Variants in SPAST observed in about 807,000 individuals in gnomAD.
The protein encoded by SPAST is spastin, also known as spastic paraplegia 4 (autosomal dominant; spastin).
A neutral mutation model predicts 76.6 loss-of-function variants in SPAST; 30 were observed. The observed-to-expected ratio is 0.39, with a 90% CI of 0.29 to 0.53. The LOEUF is 0.53. SPAST is among the 20% of genes least tolerant of loss of function. The probability of loss-of-function intolerance (pLI) is 0.68; values close to 1 mark genes in which losing one functional copy is unlikely to be tolerated. For synonymous variants in SPAST, 305 were observed against 281.0 expected, an observed-to-expected ratio of 1.09 and a Z score of -0.86; for missense variants, 717 against 770.5, an observed-to-expected ratio of 0.93 and a Z score of 0.82.
intron 1 of SPAST, among the ~76,000 whole-genome samples, chr2:32,078,511 G>A (rs1573052190): frequency 6.6e-6 from 1 of 152,128 alleles, no homozygotes; most frequent in Non-Finnish European, 1.5e-5. Context: ...TTAGCCCAGT[G>A]TAGTGGTGCA....
chr2:32,137,851 C>G (rs888776308), intron 12 of SPAST, among the ~76,000 whole-genome samples: 3 of 152,076 alleles, frequency 2.0e-5, no homozygotes, highest in Non-Finnish European at 4.4e-5. Context: ...TGTATTGTTC[C>G]CATGTTTATG....
Position 32,098,888 on chromosome 2 carries a change from T to G in SPAST, c.679T>G (p.Ser227Ala), listed in dbSNP as rs762126088. The change falls in exon 4 of 17, where the codon TCA becomes GCA. Residue 227 changes from serine (S) to alanine (A), a missense_variant. Ser to Ala is a moderately conservative substitution (Grantham distance 99). Coordinates refer to ENST00000315285, the MANE Select transcript of SPAST (RefSeq NM_014946.4). ...NLACRNGHLQ[S>A]ESGAVPKRKD... is the part of the protein sequence containing the mutation. ...GGCATGCCGCAATGGACATCTCCAG[T>G]CAGGTGGGTTTAGGTTAACTAACAT... 1.4e-5 allele frequency: 23 copies of G among 1,607,932 alleles called. No individual in the cohort carries two copies. The highest frequency in any genetic ancestry group is 2.0e-5 in the Non-Finnish European group (23 of 1,174,428).
At chr2:32,083,776 A>ATATATATATATATATAT (rs1553398791) in intron 1 of SPAST, among the ~76,000 whole-genome samples, 1 of 46,088 alleles carries the variant, frequency 2.2e-5, no homozygotes, top group Non-Finnish European at 3.7e-5. Flanking sequence ...ATATATATAT[A>ATATATATATATATATAT]TTTTTTTTTT....
intron 15 of SPAST, among the ~76,000 whole-genome samples, chr2:32,146,851 CAAAAAAAAAAAAAAAAAA>C (rs397984237): frequency 0.017 from 318 of 19,250 alleles, 7 homozygotes; most frequent in African/African-American, 0.044. Flanking sequence ...GACTCTGTCT[CAAAAAAAAAAAAAAAAAA>C]AAAAAAAAAA....
chr2:32,145,184 C>G (rs905764555), intron 15 of SPAST, among the ~76,000 whole-genome samples, 177 bp downstream of exon 15: 16 of 152,074 alleles, frequency 1.1e-4, no homozygotes, highest in South Asian at 2.1e-4. Context: ...CTCGAACCCC[C>G]CAGGCTCAGG....
At chr2:32,073,886 C>G (rs1357579069) in intron 1 of SPAST, among the ~76,000 whole-genome samples, 5 of 152,278 alleles carry the variant, frequency 3.3e-5, no homozygotes, top group East Asian at 3.9e-4. Flanking sequence ...TGTAGACTTG[C>G]TGTACTTACT....
chr2:32,120,823 T>G (rs1263129380), intron 7 of SPAST, among the ~76,000 whole-genome samples: 1 of 152,194 alleles, frequency 6.6e-6, no homozygotes, highest in Non-Finnish European at 1.5e-5. Flanking sequence ...GAGAAAAGGT[T>G]GTGTGAGGGA....
intron 11 of SPAST, 24 bp downstream of exon 11, chr2:32,136,992 T>A: frequency 6.4e-7 from 1 of 1,574,392 alleles, no homozygotes; most frequent in Non-Finnish European, 8.7e-7. Context: ...ATGATATTTT[T>A]AATGTGGCAG....
intron 3 of SPAST, among the ~76,000 whole-genome samples, chr2:32,091,276 T>G (rs1018076158): frequency 9.7e-5 from 14 of 145,066 alleles, no homozygotes; most frequent in Non-Finnish European, 2.0e-4. Context: ...TTATTATTAT[T>G]ATTATTATTA....
intron 3 of SPAST, among the ~76,000 whole-genome samples, chr2:32,090,173 A>G (rs1223677142): frequency 6.6e-6 from 1 of 152,218 alleles, no homozygotes; most frequent in African/African-American, 2.4e-5. Flanking sequence ...TGATGGGCCA[A>G]CCCAGCTCAC....
chr2:32,105,258 C>T (rs1417759509), intron 4 of SPAST, among the ~76,000 whole-genome samples: 1 of 152,160 alleles, frequency 6.6e-6, no homozygotes, highest in Non-Finnish European at 1.5e-5. Flanking sequence ...TACTGAAGCT[C>T]ATGCATGCAT....
chr2:32,120,689 C>T (rs956521365), intron 7 of SPAST, among the ~76,000 whole-genome samples: 1 of 151,242 alleles, frequency 6.6e-6, no homozygotes, highest in African/African-American at 2.4e-5. Context: ...TCTGTCTTCA[C>T]TACCATCATA....
At chr2:32,092,912 C>T (rs1487196283) in intron 3 of SPAST, among the ~76,000 whole-genome samples, 1 of 150,966 alleles carries the variant, frequency 6.6e-6, no homozygotes, top group Non-Finnish European at 1.5e-5. Context: ...GAGGCTGAGT[C>T]AGGAGGATGG....
At chr2:32,132,199 G>A (rs1177590757) in intron 9 of SPAST, among the ~76,000 whole-genome samples, 1 of 152,058 alleles carries the variant, frequency 6.6e-6, no homozygotes, top group African/African-American at 2.4e-5. Flanking sequence ...AGACCAGGCT[G>A]GGCAACATGG....
rs1390159899 is a variant in SPAST at position 32,142,003 on chromosome 2, T to C, written c.1536+57T>C. The C allele has an allele frequency of 2.2e-5, 28 of 1,277,994 alleles. No individual in the cohort carries two copies. In the Admixed American group the frequency reaches 4.8e-4, roughly 22 times the overall value. The allele number at this position is 1,277,994 out of a possible 1,614,324, so 79.2% of individuals were successfully genotyped here. A position where few individuals can be genotyped will look rare whatever the true frequency, so the allele number is the denominator to read the frequency against. ...TAGAGCAGAAACAAGAACTACCATC[T>C]TGACAATATTAAGTCTTCCAATCCA... is the stretch of plus-strand genomic sequence containing the variant. On this transcript the variant is annotated intron_variant, in intron 13 of 16. Transcript: ENST00000315285.
At position 32,156,824 on chromosome 2, in the gene SPAST, T is replaced by C. The variant is rs1345655070; in HGVS notation, c.*2328T>C. 3.9e-5 allele frequency: 6 copies of C among 152,172 alleles called. No individual in the cohort carries two copies. The highest frequency in any genetic ancestry group is 7.4e-5 in the Non-Finnish European group (5 of 68,000). 9.4% of individuals were successfully genotyped at this position (152,172 alleles called of 1,614,324 possible). Reference sequence around the variant, plus strand: ...TTTCAAATGTTAAAAGAGATAAAAGTCAGGTTAATACTATCTTAAACACTG... The same window carrying C: ...TTTCAAATGTTAAAAGAGATAAAAGCCAGGTTAATACTATCTTAAACACTG... On this transcript the variant is annotated 3_prime_UTR_variant, in exon 17 of 17. Coordinates refer to ENST00000315285, the MANE Select transcript of SPAST (RefSeq NM_014946.4).
At position 32,155,488 on chromosome 2, in the gene SPAST, C is replaced by T. The variant is rs1205287079; in HGVS notation, c.*992C>T. The T allele has an allele frequency of 6.6e-6, 1 of 152,408 alleles. No individual in the cohort carries two copies. The highest frequency in any genetic ancestry group is 2.1e-4 in the South Asian group (1 of 4,828). 9.4% of individuals were successfully genotyped at this position (152,408 alleles called of 1,614,324 possible). On this transcript the variant is annotated 3_prime_UTR_variant, in exon 17 of 17. Coordinates refer to ENST00000315285, the MANE Select transcript of SPAST (RefSeq NM_014946.4). ...GGATAATTATAAGCAAGTGGAACTACCATCTTTTATTCTTAATAATTATTA... is the reference window on the plus strand; with the variant it reads ...GGATAATTATAAGCAAGTGGAACTATCATCTTTTATTCTTAATAATTATTA...
At chr2:32,130,511 G>C (rs1358168733) in intron 9 of SPAST, 1 of 152,082 alleles carries the variant, frequency 6.6e-6, no homozygotes, top group East Asian at 1.9e-4. Context: ...CTGAGGTCAG[G>C]AGTTCAAAAC....
At chr2:32,153,505 G>T (rs982229011) in intron 16 of SPAST, among the ~76,000 whole-genome samples, 29 of 151,524 alleles carry the variant, frequency 1.9e-4, no homozygotes, top group Non-Finnish European at 1.0e-4. Flanking sequence ...TAGTGGAGAC[G>T]GGGTTTCACC....
Sources: allele counts gnomAD v4.1 joint callset (sites outside exome capture counted in the v4.1 genomes callset), GRCh38; gene constraint gnomAD v4.1.1; transcripts MANE v1.5; gene names NCBI Gene and HGNC (gene_info 2026-07-23, HGNC 2026-07-21).